NEDD4L: variants seen among roughly 807,000 people sequenced by gnomAD.
NEDD4L encodes NEDD4 like E3 ubiquitin protein ligase.
Under a neutral mutation model 148.9 loss-of-function variants are expected in NEDD4L, and 54 were observed. That is an observed-to-expected ratio of 0.36 (90% CI 0.29 to 0.45). The LOEUF (loss-of-function observed/expected upper bound fraction) is 0.45, where lower values mean the gene tolerates loss of function less well. Among genes scored for constraint, NEDD4L ranks in the 20% least tolerant of loss-of-function variants. NEDD4L has a pLI of 1.00. For synonymous variants in NEDD4L, 433 were observed against 440.7 expected, an observed-to-expected ratio of 0.98 and a Z score of 0.22; for missense variants, 856 against 1,233.8, an observed-to-expected ratio of 0.69 and a Z score of 4.59.
intron 6 of NEDD4L, among the ~76,000 whole-genome samples, chr18:58,319,428 C>T (rs1328999937): frequency 6.6e-6 from 1 of 152,236 alleles, no homozygotes; most frequent in African/African-American, 2.4e-5. Context: ...CTTTATCTCA[C>T]TCTATTCCAT....
intron 1 of NEDD4L, among the ~76,000 whole-genome samples, chr18:58,059,538 G>A (rs561267782): frequency 9.9e-5 from 15 of 152,264 alleles, no homozygotes; most frequent in African/African-American, 2.9e-4. Flanking sequence ...CCTTGCCCAG[G>A]TGTTAAACCA....
At chr18:58,300,266 A>G (rs553190537) in intron 5 of NEDD4L, among the ~76,000 whole-genome samples, 14 of 152,250 alleles carry the variant, frequency 9.2e-5, no homozygotes, top group Non-Finnish European at 1.9e-4. Context: ...TGCCTTGTAT[A>G]TGCTAATAGT....
At position 58,256,202 on chromosome 18, in the gene NEDD4L, C is replaced by T. The variant is rs2048530414; in HGVS notation, c.297+4148C>T. On this transcript the variant is annotated intron_variant, in intron 5 of 30. Transcript: ENST00000400345. The surrounding 1 kb of genome is among the most constrained non-coding windows in gnomAD (Gnocchi z 5.2). ...CGTGGACTGCGCGGAGGAGGCTGCC[C>T]CGGGCCTGCGCATCCAGCACCGCGC... 1 of 1,219,242 alleles carries T rather than the reference C, an allele frequency of 8.2e-7. No individual in the cohort carries two copies. Among genetic ancestry groups the T allele is most frequent in the Non-Finnish European group, 1.0e-6 (1 of 980,124 alleles). The allele number at this position is 1,219,242 out of a possible 1,614,324, so 75.5% of individuals were successfully genotyped here.
At chr18:58,235,053 G>A (rs1041643857) in intron 2 of NEDD4L, among the ~76,000 whole-genome samples, 10 of 151,998 alleles carry the variant, frequency 6.6e-5, no homozygotes, top group Non-Finnish European at 1.0e-4. Context: ...CTCCCCCACC[G>A]AGAAGCCCAG....
At chr18:58,223,854 C>T (rs964457280) in intron 2 of NEDD4L, among the ~76,000 whole-genome samples, 1 of 152,156 alleles carries the variant, frequency 6.6e-6, no homozygotes, top group Non-Finnish European at 1.5e-5. Context: ...GACTGCGTTC[C>T]CAGTGGCCCA....
intron 1 of NEDD4L, among the ~76,000 whole-genome samples, chr18:58,075,999 G>T (rs1775527726): frequency 1.3e-5 from 2 of 152,142 alleles, no homozygotes; most frequent in East Asian, 1.9e-4. Flanking sequence ...TGATCGTTAG[G>T]TTGGCACAAA....
chr18:58,305,142 T>C (rs1440692093), intron 5 of NEDD4L, among the ~76,000 whole-genome samples: 1 of 152,218 alleles, frequency 6.6e-6, no homozygotes, highest in Non-Finnish European at 1.5e-5. Flanking sequence ...ATTTCTCATT[T>C]AGGAGAACAG....
chr18:58,292,616 A>G (rs1160653569), intron 5 of NEDD4L, among the ~76,000 whole-genome samples: 3 of 152,226 alleles, frequency 2.0e-5, no homozygotes, highest in Non-Finnish European at 4.4e-5. Flanking sequence ...ATGGTTCTAT[A>G]TATGTCTCCT....
At chr18:58,109,104 C>T (rs1354909069) in intron 1 of NEDD4L, among the ~76,000 whole-genome samples, 1 of 152,226 alleles carries the variant, frequency 6.6e-6, no homozygotes, top group Non-Finnish European at 1.5e-5. Context: ...TCAATTCTTT[C>T]ATGCATTCAA....
intron 5 of NEDD4L, among the ~76,000 whole-genome samples, chr18:58,305,434 A>T (rs758861045): frequency 2.0e-5 from 3 of 152,198 alleles, no homozygotes; most frequent in Non-Finnish European, 2.9e-5. Flanking sequence ...TGATTTGAGA[A>T]CTTTGCAGGG....
At chr18:58,300,066 A>G (rs982703547) in intron 5 of NEDD4L, among the ~76,000 whole-genome samples, 1 of 152,224 alleles carries the variant, frequency 6.6e-6, no homozygotes, top group Middle Eastern at 3.2e-3. Flanking sequence ...TGTCATGGGT[A>G]AGGATTTAGA....
chr18:58,093,676 T>C (rs1271940903), intron 1 of NEDD4L, among the ~76,000 whole-genome samples: 1 of 152,208 alleles, frequency 6.6e-6, no homozygotes, highest in Non-Finnish European at 1.5e-5. Context: ...TACGTGCTCA[T>C]GTGTTGTCTG....
intron 1 of NEDD4L, among the ~76,000 whole-genome samples, chr18:58,122,615 G>A (rs2030156035): frequency 6.6e-6 from 1 of 152,218 alleles, no homozygotes; most frequent in Non-Finnish European, 1.5e-5. Flanking sequence ...CTTTTCACAT[G>A]ATGTGTATTT....
chr18:58,342,483 T>C (rs767779701), intron 15 of NEDD4L, among the ~76,000 whole-genome samples: 2 of 152,224 alleles, frequency 1.3e-5, no homozygotes, highest in Non-Finnish European at 2.9e-5. Context: ...ATGAATGTCA[T>C]GGGTAACAAC....
chr18:58,186,448 T>A lies in NEDD4L; in HGVS notation c.122+20587T>A, dbSNP rs527503059. On this transcript the variant is annotated intron_variant, in intron 2 of 30. Coordinates refer to ENST00000400345, the MANE Select transcript of NEDD4L (RefSeq NM_001144967.3). ...CCTCTAGCCCATCGTGAATTCATAT[T>A]TTTTTTATAATGTGTGAGTCACACT... Among the ~76,000 whole-genome samples the A allele has an allele frequency of 2.6e-5, 4 of 152,266 alleles. No homozygotes were observed. The East Asian group carries it at 5.8e-4, about 22-fold the overall frequency.
intron 2 of NEDD4L, among the ~76,000 whole-genome samples, chr18:58,222,874 A>G (rs981314280): frequency 1.3e-5 from 2 of 152,216 alleles, no homozygotes; most frequent in Admixed American, 6.5e-5. Context: ...TACTTTACAC[A>G]TGTTTGAATG....
chr18:58,152,743 C>T (rs2034934976), intron 1 of NEDD4L, among the ~76,000 whole-genome samples: 1 of 152,108 alleles, frequency 6.6e-6, no homozygotes, highest in African/African-American at 2.4e-5. Flanking sequence ...TGCTGGTAGT[C>T]GGGAGTCCGT....
At chr18:58,238,297 A>C (rs943717187) in intron 2 of NEDD4L, among the ~76,000 whole-genome samples, 1 of 152,200 alleles carries the variant, frequency 6.6e-6, no homozygotes, top group Non-Finnish European at 1.5e-5. Flanking sequence ...CTGGGCAAAC[A>C]AAATATTTGA....
chr18:58,264,495 AT>A (rs1236427630), intron 5 of NEDD4L, among the ~76,000 whole-genome samples: 2 of 152,096 alleles, frequency 1.3e-5, no homozygotes, highest in African/African-American at 4.8e-5. Context: ...CTTTTTAAAA[AT>A]TGATACATAA....
Sources: allele counts gnomAD v4.1 joint callset (sites outside exome capture counted in the v4.1 genomes callset), GRCh38; gene constraint gnomAD v4.1.1; non-coding constraint Gnocchi (gnomAD v3.1); transcripts MANE v1.5; gene names NCBI Gene and HGNC (gene_info 2026-07-23, HGNC 2026-07-21).